BANK1: variants seen among roughly 807,000 people sequenced by gnomAD.
BANK1 encodes B-cell scaffold protein with ankyrin repeats.
BANK1 carries 95 observed loss-of-function variants against 94.5 expected under a neutral mutation model. That is an observed-to-expected ratio of 1.00 (90% CI 0.85 to 1.19). BANK1 has a LOEUF of 1.19. Among genes scored for constraint, BANK1 ranks in the 50% most tolerant of loss-of-function variants. The pLI, the probability that BANK1 is intolerant of heterozygous loss-of-function variation, is 0.00. For synonymous variants in BANK1, 334 were observed against 308.4 expected, an observed-to-expected ratio of 1.08 and a Z score of -0.87; for missense variants, 987 against 932.2, an observed-to-expected ratio of 1.06 and a Z score of -0.77.
intron 5 of BANK1, among the ~76,000 whole-genome samples, chr4:101,889,694 T>C (rs1056882425): frequency 4.6e-5 from 7 of 151,958 alleles, no homozygotes; most frequent in African/African-American, 1.7e-4. Context: ...TCAGCTGTTA[T>C]ACTTTTTGTT....
chr4:101,911,805 T>C (rs1722673786), intron 6 of BANK1, among the ~76,000 whole-genome samples: 1 of 152,214 alleles, frequency 6.6e-6, no homozygotes, highest in African/African-American at 2.4e-5. Context: ...GTGTGCCTTC[T>C]GAATATGCTG....
chr4:101,932,308 G>T (rs1723379824), intron 7 of BANK1, among the ~76,000 whole-genome samples: 1 of 151,454 alleles, frequency 6.6e-6, no homozygotes, highest in African/African-American at 2.4e-5. Context: ...CTATTAAATA[G>T]AATTTGAATA....
intron 9 of BANK1, among the ~76,000 whole-genome samples, chr4:102,026,830 A>G (rs1285984926): frequency 1.3e-5 from 2 of 151,896 alleles, no homozygotes; most frequent in Non-Finnish European, 2.9e-5. Flanking sequence ...CTCAAAAAAA[A>G]AAAAAAAAAA....
chr4:101,915,839 A>G (rs1237071175), intron 6 of BANK1, among the ~76,000 whole-genome samples: 2 of 152,210 alleles, frequency 1.3e-5, no homozygotes, highest in East Asian at 3.9e-4. Context: ...TAAAATTCCA[A>G]ATAGAATTAT....
At chr4:101,992,470 A>G (rs1036192040) in intron 7 of BANK1, among the ~76,000 whole-genome samples, 1 of 152,164 alleles carries the variant, frequency 6.6e-6, no homozygotes, top group African/African-American at 2.4e-5. Context: ...AAATTTTTTT[A>G]CCATTATCTT....
chr4:101,957,077 C>T (rs1215380954), intron 7 of BANK1, among the ~76,000 whole-genome samples: 1 of 152,118 alleles, frequency 6.6e-6, no homozygotes, highest in Non-Finnish European at 1.5e-5. Context: ...TCCCTTCTAT[C>T]AGTTATAAGC....
chr4:102,003,631 C>T (rs971834100), intron 7 of BANK1, among the ~76,000 whole-genome samples: 16 of 152,046 alleles, frequency 1.1e-4, no homozygotes, highest in African/African-American at 3.6e-4. Flanking sequence ...GGCACTTGTG[C>T]CCTTTTTTTA....
At chr4:101,937,153 C>CATAG (rs1241838769) in intron 7 of BANK1, among the ~76,000 whole-genome samples, 1 of 151,582 alleles carries the variant, frequency 6.6e-6, no homozygotes, top group East Asian at 1.9e-4. Flanking sequence ...TTTGCAACAC[C>CATAG]ATAGACAGAA....
At chr4:101,847,462 C>A (rs961137618) in intron 2 of BANK1, among the ~76,000 whole-genome samples, 8 of 151,764 alleles carry the variant, frequency 5.3e-5, no homozygotes, top group Non-Finnish European at 1.0e-4. Flanking sequence ...TAGTGGTGAT[C>A]TGTAAGATTT....
chr4:102,045,450 G>T (rs1292357878), intron 11 of BANK1, among the ~76,000 whole-genome samples: 6 of 152,108 alleles, frequency 3.9e-5, no homozygotes, highest in Non-Finnish European at 8.8e-5. Flanking sequence ...AGGCAATGAG[G>T]CAGGAGAAGG....
intron 13 of BANK1, among the ~76,000 whole-genome samples, chr4:102,069,526 AAGTGG>A (rs1251013217): frequency 6.6e-6 from 1 of 152,236 alleles, no homozygotes; most frequent in Non-Finnish European, 1.5e-5. Context: ...TGGGAATATA[AAGTGG>A]AGTGATAACT....
intron 7 of BANK1, among the ~76,000 whole-genome samples, chr4:102,014,990 T>C (rs1222302639): frequency 6.6e-6 from 1 of 151,778 alleles, no homozygotes; most frequent in Non-Finnish European, 1.5e-5. Context: ...TCTTTCTGAC[T>C]ATCTCTGACA....
At chr4:101,865,249 A>T (rs76480039) in intron 4 of BANK1, among the ~76,000 whole-genome samples, 4 of 152,118 alleles carry the variant, frequency 2.6e-5, no homozygotes, top group Non-Finnish European at 4.4e-5. Context: ...AAATCTGCTT[A>T]CCTAGAGCAG....
At chr4:102,024,916 G>C (rs913201081) in intron 8 of BANK1, among the ~76,000 whole-genome samples, 4 of 152,008 alleles carry the variant, frequency 2.6e-5, no homozygotes, top group Non-Finnish European at 5.9e-5. Flanking sequence ...ATATGAATTT[G>C]TTCAAACAAT....
intron 1 of BANK1, among the ~76,000 whole-genome samples, chr4:101,794,217 G>A (rs559207182): frequency 6.6e-6 from 1 of 151,882 alleles, no homozygotes; most frequent in Non-Finnish European, 1.5e-5. Flanking sequence ...TACCAGTTGT[G>A]ACTCAGTTTA....
chr4:102,049,272 A>C (rs1213025529), intron 11 of BANK1, among the ~76,000 whole-genome samples: 1 of 152,216 alleles, frequency 6.6e-6, no homozygotes, highest in Non-Finnish European at 1.5e-5. Flanking sequence ...TCAAGTCAAA[A>C]ATGTTGAAAG....
rs142557718 is a variant in BANK1 at position 102,064,673 on chromosome 4, A to C, written c.2212+1535A>C. The stretch of plus-strand genomic sequence containing the variant: ...TAAATAATACTACACAAATCTTTCT[A>C]TTGCACAGGACACTATTACCAGGCA... On this transcript the variant is annotated intron_variant, in intron 13 of 16. Transcript: ENST00000322953. Among the ~76,000 whole-genome samples the C allele has an allele frequency of 1.3e-3, 204 of 152,336 alleles. 1 individual carries two copies. The highest frequency in any genetic ancestry group is 4.6e-3 in the African/African-American group (192 of 41,572).
At chr4:101,937,798 A>G (rs936689002) in intron 7 of BANK1, among the ~76,000 whole-genome samples, 2 of 151,926 alleles carry the variant, frequency 1.3e-5, no homozygotes, top group South Asian at 2.1e-4. Flanking sequence ...ACATATGTTT[A>G]CTGCAGCAGT....
rs561471017 is a variant in BANK1 at position 101,833,166 on chromosome 4, A to G, written c.469+2960A>G. The stretch of plus-strand genomic sequence containing the variant: ...GGCTAATTTTGTATTTTTAGTAGAG[A>G]TTCGGTTTCTCCATGTTGGTCTGGC... On this transcript the variant is annotated intron_variant, in intron 2 of 16. Coordinates refer to ENST00000322953, the MANE Select transcript of BANK1 (RefSeq NM_017935.5). Among the ~76,000 whole-genome samples, 3 of 152,082 alleles carry G rather than the reference A, an allele frequency of 2.0e-5. No individual in the cohort carries two copies. In the South Asian group the frequency reaches 6.2e-4, roughly 32 times the overall value.
Sources: gnomAD v4.1 joint callset for allele counts (sites outside exome capture counted in the v4.1 genomes callset) on GRCh38, gnomAD v4.1.1 for gene constraint, MANE v1.5 for transcripts, NCBI Gene and HGNC (gene_info 2026-07-23, HGNC 2026-07-21) for gene names.